The following GARS1 variants were observed in gnomAD, a reference collection of about 807,000 sequenced individuals.
GARS1 encodes the protein glycine--tRNA ligase.
GARS1 carries 46 observed loss-of-function variants against 86.4 expected under a neutral mutation model. The observed-to-expected ratio is 0.53, with a 90% CI of 0.42 to 0.68. The LOEUF is 0.68. Among genes scored for constraint, GARS1 ranks in the 30% least tolerant of loss-of-function variants. The probability of loss-of-function intolerance (pLI) is 0.00; values close to 1 mark genes in which losing one functional copy is unlikely to be tolerated. For synonymous variants in GARS1, 342 were observed against 329.8 expected (o/e 1.04, Z -0.40); for missense variants, 797 against 915.6 (o/e 0.87, Z 1.67).
At position 30,601,129 on chromosome 7, in the gene GARS1, G is replaced by C. The variant is rs772606983; in HGVS notation, c.498G>C (p.Arg166Ser). ...AGAACAATATTATTCAGACCTGGAG[G>C]CAGCACTTTATCCAAGAGGAACAGA... ...ALKNNIIQTW[R>S]QHFIQEEQIL... is the part of the protein sequence containing the mutation. The change falls in exon 4 of 17, where the codon AGG becomes AGC. Residue 166 changes from arginine (R) to serine (S), a missense_variant. By Grantham distance (110) the Arg-to-Ser change is moderately radical (BLOSUM62 -1). Around this residue, in one of 2 missense-constraint regions of GARS1, gnomAD observed 598 missense variants for 738.7 expected, o/e 0.81. Coordinates refer to ENST00000389266, the MANE Select transcript of GARS1 (RefSeq NM_002047.4). 6.2e-7 allele frequency: 1 copy of C among 1,614,066 alleles called. No individual in the cohort carries two copies. The highest frequency in any genetic ancestry group is 2.2e-5 in the East Asian group (1 of 44,876).
chr7:30,626,817 C>T (rs889653305), intron 13 of GARS1, among the ~76,000 whole-genome samples: 3 of 152,076 alleles, frequency 2.0e-5, no homozygotes, highest in Admixed American at 6.5e-5. Context: ...CCCGTCTCTA[C>T]TAAAAATACA....
At chr7:30,595,685 C>A in intron 1 of GARS1, 1 of 454,312 alleles carries the variant, frequency 2.2e-6, no homozygotes. Context: ...CATCTTCCTT[C>A]ATTCAGTGCT....
chr7:30,622,339 T>A lies in GARS1; in HGVS notation c.1490T>A (p.Phe497Tyr). ...KEPKTVNVVQFEPSKGAIGKA... is the reference protein window; with the variant it reads ...KEPKTVNVVQYEPSKGAIGKA... Reference sequence around the variant, plus strand: ...TACAAAACAGTCAATGTTGTTCAGTTTGAACCCAGTAAGGGAGCAATTGGT... The same window carrying A: ...TACAAAACAGTCAATGTTGTTCAGTATGAACCCAGTAAGGGAGCAATTGGT... Residue 497 changes from phenylalanine (F) to tyrosine (Y), a missense_variant, in exon 12 of 17, where the codon TTT (phenylalanine) becomes TAT (tyrosine). By Grantham distance (22) the Phe-to-Tyr change is conservative (BLOSUM62 3). This residue lies in a region of GARS1 where 598 missense variants were observed against 738.7 expected (regional missense o/e 0.81). Transcript: ENST00000389266. 1.9e-6 allele frequency: 3 copies of A among 1,614,166 alleles called. No homozygotes were observed. The highest frequency in any genetic ancestry group is 2.5e-6 in the Non-Finnish European group (3 of 1,180,010).
At chr7:30,602,100 A>T (rs1466240368) in intron 4 of GARS1, among the ~76,000 whole-genome samples, 3 of 136,630 alleles carry the variant, frequency 2.2e-5, no homozygotes, top group South Asian at 2.3e-4. Context: ...TTATTTATTT[A>T]TTTTTTGAGA....
chr7:30,597,429 G>A (rs1239440757), intron 1 of GARS1, among the ~76,000 whole-genome samples: 2 of 152,142 alleles, frequency 1.3e-5, no homozygotes, highest in South Asian at 2.1e-4. Context: ...ATCCGAAACG[G>A]CTTTTAAAAT....
chr7:30,632,209 T>G lies in GARS1; in HGVS notation c.1904-38T>G. 3 of 1,587,046 alleles carry G rather than the reference T, an allele frequency of 1.9e-6. No individual in the cohort carries two copies. The highest frequency in any genetic ancestry group is 2.6e-6 in the Non-Finnish European group (3 of 1,156,978). Reference sequence around the variant, plus strand: ...TTAGATAACACTGGGCTTAACTCCATTGTTTTATTTTTAATTTACTTTGTT... The same window carrying G: ...TTAGATAACACTGGGCTTAACTCCAGTGTTTTATTTTTAATTTACTTTGTT... On this transcript the variant is annotated intron_variant, in intron 15 of 16. Coordinates refer to ENST00000389266, the MANE Select transcript of GARS1 (RefSeq NM_002047.4). The surrounding 1 kb of genome is among the most constrained non-coding windows in gnomAD (Gnocchi z 4.1).
At chr7:30,627,817 A>G (rs2709778) in intron 13 of GARS1, among the ~76,000 whole-genome samples, 141,031 of 152,332 alleles carry the variant, frequency 0.93, 65,429 homozygotes, top group African/African-American at 0.98. Flanking sequence ...TACTTTTTGC[A>G]TGTAGGAATT....
intron 6 of GARS1, among the ~76,000 whole-genome samples, chr7:30,608,225 A>C (rs973285091): frequency 1.3e-5 from 2 of 152,256 alleles, no homozygotes; most frequent in African/African-American, 4.8e-5. Context: ...GGATAAATAC[A>C]AATATAGTAA....
intron 9 of GARS1, 123 bp downstream of exon 9, chr7:30,616,181 A>G (rs1782886808): frequency 3.8e-6 from 4 of 1,049,596 alleles, no homozygotes; most frequent in Non-Finnish European, 5.8e-6. Flanking sequence ...TTTTTACAGT[A>G]CTTGGTTTTG....
chr7:30,596,515 C>G (rs963732848), intron 1 of GARS1, among the ~76,000 whole-genome samples: 3 of 152,000 alleles, frequency 2.0e-5, no homozygotes, highest in Non-Finnish European at 2.9e-5. Flanking sequence ...ACCCAAACCC[C>G]TCCCTCTGCC....
At chr7:30,598,769 T>C (rs777889388) in intron 1 of GARS1, 27 bp from the exon 2 acceptor site, 1 of 1,567,594 alleles carries the variant, frequency 6.4e-7, no homozygotes, top group Non-Finnish European at 8.8e-7. Flanking sequence ...AAACCAATCC[T>C]GAATATAAAT....
chr7:30,622,858 T>C lies in GARS1; in HGVS notation c.1613+396T>C, dbSNP rs367759679. Among the ~76,000 whole-genome samples, 195 of 152,106 alleles carry C rather than the reference T, an allele frequency of 1.3e-3. 1 individual carries two copies. In the Middle Eastern group the frequency reaches 0.014, roughly 11 times the overall value. On this transcript the variant is annotated intron_variant, in intron 12 of 16. Transcript: ENST00000389266. ...GCTCATGGCTGTAATCCCAGCACTT[T>C]GGGAGGCTGAGGTGGGCAGATCACG...
chr7:30,602,086 T>G (rs574328963), intron 4 of GARS1, among the ~76,000 whole-genome samples: 22 of 146,974 alleles, frequency 1.5e-4, no homozygotes, highest in Admixed American at 6.8e-5. Flanking sequence ...AGGAATTCTT[T>G]TATTTATTTA....
At position 30,603,136 on chromosome 7, in the gene GARS1, T is replaced by C. The variant is rs1210407173; in HGVS notation, c.658+14T>C. The C allele has an allele frequency of 1.9e-6, 3 of 1,588,926 alleles. No individual in the cohort carries two copies. In the Admixed American group the frequency reaches 5.0e-5, roughly 26 times the overall value. On this transcript the variant is annotated intron_variant, in intron 5 of 16. Coordinates refer to ENST00000389266, the MANE Select transcript of GARS1 (RefSeq NM_002047.4). ...ATCTATTAAAAGGTGAGGTTCTTCA[T>C]CTCCTTCAGGTAGGATTGATCAAAA... is the stretch of plus-strand genomic sequence containing the variant.
At chr7:30,624,909 A>G (rs1647756248) in intron 12 of GARS1, among the ~76,000 whole-genome samples, 1 of 152,182 alleles carries the variant, frequency 6.6e-6, no homozygotes, top group Non-Finnish European at 1.5e-5. Flanking sequence ...TGCTTTATTA[A>G]TTATTCTCAA....
intron 13 of GARS1, among the ~76,000 whole-genome samples, chr7:30,628,308 C>T (rs571007135): frequency 1.8e-3 from 268 of 152,108 alleles, no homozygotes; most frequent in African/African-American, 5.6e-3. Context: ...CCTCAGCCTC[C>T]GGAGTAGCTG....
intron 14 of GARS1, among the ~76,000 whole-genome samples, chr7:30,629,102 G>A (rs866989457): frequency 6.6e-6 from 1 of 152,098 alleles, no homozygotes; most frequent in East Asian, 1.9e-4. Flanking sequence ...ATTGTCTGGG[G>A]TACTTTTGGG....
rs10249885 is a variant in GARS1, at chr7:30,622,621, G to A, written c.1613+159G>A. 0.58 allele frequency: 474,790 copies of A among 820,896 alleles called. 146,090 individuals are homozygous for A. Among genetic ancestry groups the A allele is most frequent in the Non-Finnish European group, 0.65 (326,906 of 502,412 alleles). 50.9% of individuals were successfully genotyped at this position (820,896 alleles called of 1,614,324 possible). On this transcript the variant is annotated intron_variant, in intron 12 of 16. Coordinates refer to ENST00000389266, the MANE Select transcript of GARS1 (RefSeq NM_002047.4). The stretch of plus-strand genomic sequence containing the variant: ...TCTTTGCCGAGATTTTGGCATTATA[G>A]CCTGAAAAAAGATTTGAAATAGAAT...
chr7:30,609,675 G>T lies in GARS1; in HGVS notation c.826G>T (p.Val276Leu). The T allele has an allele frequency of 6.2e-7, 1 of 1,613,472 alleles. No homozygotes were observed. Among genetic ancestry groups the T allele is most frequent in the African/African-American group, 1.3e-5 (1 of 75,012 alleles). Residue 276 changes from valine to leucine, a missense_variant, in exon 7 of 17, where the codon GTG (valine) becomes TTG (leucine). Val to Leu is a conservative substitution (Grantham distance 32, BLOSUM62 1). Coordinates refer to ENST00000389266, the MANE Select transcript of GARS1 (RefSeq NM_002047.4). ...TACTGGAAATGATCTATCCCCTCCA[G>T]TGTCTTTTAACTTAATGTTCAAGAC... ...PITGNDLSPP[V>L]SFNLMFKTFI...
Sources: allele counts gnomAD v4.1 joint callset (sites outside exome capture counted in the v4.1 genomes callset), GRCh38; gene constraint gnomAD v4.1.1; regional missense constraint gnomAD v4.1.1; non-coding constraint Gnocchi (gnomAD v3.1); transcripts MANE v1.5; gene names NCBI Gene and HGNC (gene_info 2026-07-23, HGNC 2026-07-21).